DYM: variants seen among roughly 807,000 people sequenced by gnomAD.
DYM encodes the protein dyggve-Melchior-Clausen syndrome protein.
In DYM, 78 loss-of-function variants were observed where a neutral mutation model predicts 93.1. The observed-to-expected ratio is 0.84, with a 90% confidence interval of 0.70 to 1.01. DYM has a LOEUF of 1.01. Among genes scored for constraint, DYM ranks in the 50% least tolerant of loss-of-function variants. The pLI, the probability that DYM is intolerant of heterozygous loss-of-function variation, is 0.00. For missense variants in DYM, 789 were observed against 845.0 expected (o/e 0.93, Z 0.82); for synonymous variants, 321 against 319.7 (o/e 1.00, Z -0.04).
Position 49,345,219 on chromosome 18 carries a change from G to GA in DYM, c.495-11367dup, listed in dbSNP as rs1189357864. On this transcript the variant is annotated intron_variant, in intron 6 of 17. Transcript: ENST00000675505. Reference sequence around the variant, plus strand: ...ATAATTTCCCACCAAAGAGAAGGGGGAAAAAATGCACTCCAAGGCAAGTCA... The same window carrying GA: ...ATAATTTCCCACCAAAGAGAAGGGGGAAAAAAATGCACTCCAAGGCAAGTCA... 2.6e-5 allele frequency among the ~76,000 whole-genome samples: 4 copies of GA among 151,944 alleles called. No homozygotes were observed. The South Asian group carries it at 8.3e-4, about 31-fold the overall frequency.
chr18:49,092,632 T>G (rs2079150071), intron 17 of DYM, among the ~76,000 whole-genome samples: 2 of 152,072 alleles, frequency 1.3e-5, no homozygotes, highest in Admixed American at 1.3e-4. Flanking sequence ...CGAGCTGCAG[T>G]AGGAAGAAAC....
Position 49,143,003 on chromosome 18 carries a change from G to T in DYM, c.1728+20682C>A, listed in dbSNP as rs569668861. The stretch of plus-strand genomic sequence containing the variant: ...TCGTTCAGGAAGAATATATGGAAAA[G>T]ACCTTTTCTTACTTTCCATTCCTGA... On this transcript the variant is annotated intron_variant, in intron 15 of 17. Transcript: ENST00000675505. Among the ~76,000 whole-genome samples, 3 of 152,274 alleles carry T rather than the reference G, an allele frequency of 2.0e-5. No individual in the cohort carries two copies. The South Asian group carries it at 6.2e-4, about 32-fold the overall frequency.
intron 13 of DYM, among the ~76,000 whole-genome samples, chr18:49,237,954 G>C (rs2093922289): frequency 6.8e-6 from 1 of 146,652 alleles, no homozygotes. Context: ...CCATATTTAA[G>C]TAGGTCTCTG....
intron 6 of DYM, among the ~76,000 whole-genome samples, chr18:49,335,945 C>T (rs2063634557): frequency 6.6e-6 from 1 of 152,078 alleles, no homozygotes; most frequent in African/African-American, 2.4e-5. Flanking sequence ...TCTCAAGTAG[C>T]TGGGACTACA....
At chr18:49,300,822 T>C (rs960520782) in intron 8 of DYM, among the ~76,000 whole-genome samples, 3 of 152,144 alleles carry the variant, frequency 2.0e-5, no homozygotes, top group African/African-American at 7.2e-5. Context: ...ATTGGTTCTG[T>C]GCAATATCAT....
chr18:49,396,696 AT>A (rs1276157845), intron 2 of DYM, among the ~76,000 whole-genome samples: 2 of 152,170 alleles, frequency 1.3e-5, no homozygotes, highest in Non-Finnish European at 2.9e-5. Context: ...CAATGGATGA[AT>A]TTTTTTAATG....
intron 11 of DYM, among the ~76,000 whole-genome samples, chr18:49,261,669 A>G (rs1238000286): frequency 6.6e-6 from 1 of 152,244 alleles, no homozygotes; most frequent in East Asian, 1.9e-4. Context: ...TAAGTTATAT[A>G]TGATAGAGTA....
At chr18:49,225,594 T>G (rs2093499820) in intron 13 of DYM, among the ~76,000 whole-genome samples, 1 of 152,152 alleles carries the variant, frequency 6.6e-6, no homozygotes, top group Non-Finnish European at 1.5e-5. Flanking sequence ...ATTAGCATCT[T>G]TTCTGTGAGT....
At chr18:49,232,512 C>T (rs142185488) in intron 13 of DYM, among the ~76,000 whole-genome samples, 2,048 of 151,420 alleles carry the variant, frequency 0.014, 26 homozygotes, top group Non-Finnish European at 0.023. Flanking sequence ...ACCGTGTTAG[C>T]CAGGATGGTT....
intron 13 of DYM, among the ~76,000 whole-genome samples, chr18:49,246,420 C>T (rs2094167641): frequency 6.6e-6 from 1 of 152,190 alleles, no homozygotes; most frequent in Non-Finnish European, 1.5e-5. Flanking sequence ...TTTATTAAGT[C>T]ACTCTATTTT....
At chr18:49,216,881 G>C (rs1289663178) in intron 13 of DYM, among the ~76,000 whole-genome samples, 1 of 152,212 alleles carries the variant, frequency 6.6e-6, no homozygotes, top group African/African-American at 2.4e-5. Context: ...TTCCTCACCA[G>C]CAATGGAACA....
chr18:49,459,046 G>A (rs1600439576), intron 1 of DYM, among the ~76,000 whole-genome samples: 1 of 152,154 alleles, frequency 6.6e-6, no homozygotes, highest in African/African-American at 2.4e-5. Flanking sequence ...TTATTTCACT[G>A]TGTGAACTTT....
chr18:49,356,975 T>C (rs927662481), intron 6 of DYM, among the ~76,000 whole-genome samples: 7 of 152,194 alleles, frequency 4.6e-5, no homozygotes, highest in African/African-American at 1.7e-4. Context: ...CTAAAAATAA[T>C]CAAATCTTTA....
intron 8 of DYM, among the ~76,000 whole-genome samples, chr18:49,323,740 C>T (rs1002975186): frequency 3.9e-5 from 6 of 152,214 alleles, no homozygotes; most frequent in Middle Eastern, 3.2e-3. Context: ...AGACACCCAG[C>T]CTACGGTATT....
chr18:49,201,195 A>G (rs573007501), intron 14 of DYM, among the ~76,000 whole-genome samples: 3 of 152,354 alleles, frequency 2.0e-5, no homozygotes, highest in African/African-American at 7.2e-5. Flanking sequence ...TACATACTAA[A>G]TATTTGCCAT....
chr18:49,208,203 A>C (rs2146070821), intron 14 of DYM, among the ~76,000 whole-genome samples: 1 of 151,406 alleles, frequency 6.6e-6, no homozygotes, highest in South Asian at 2.1e-4. Flanking sequence ...AAAAAAAAAA[A>C]ATTAAAAAGA....
chr18:49,209,790 T>C (rs2092695476), intron 13 of DYM, 75 bp from the exon 14 acceptor site: 1 of 1,011,806 alleles, frequency 9.9e-7, no homozygotes, highest in South Asian at 2.1e-5. Context: ...ATTTTTTATG[T>C]CCTCAAAGCT....
At chr18:49,443,858 C>T (rs910262245) in intron 1 of DYM, among the ~76,000 whole-genome samples, 2 of 152,194 alleles carry the variant, frequency 1.3e-5, no homozygotes, top group African/African-American at 4.8e-5. Flanking sequence ...TTGATTACAG[C>T]AGCCAAAGAA....
intron 13 of DYM, among the ~76,000 whole-genome samples, chr18:49,220,920 T>C (rs1355992846): frequency 6.6e-6 from 1 of 152,094 alleles, no homozygotes; most frequent in African/African-American, 2.4e-5. Context: ...CTAATTCAAC[T>C]AAAGAGCTTC....
Sources: gnomAD v4.1 joint callset for allele counts (sites outside exome capture counted in the v4.1 genomes callset) on GRCh38, gnomAD v4.1.1 for gene constraint, MANE v1.5 for transcripts, NCBI Gene and HGNC (gene_info 2026-07-23, HGNC 2026-07-21) for gene names.